DIO2: variants seen among roughly 807,000 people sequenced by gnomAD.
The protein encoded by DIO2 is iodothyronine deiodinase 2.
A neutral mutation model predicts 21.4 loss-of-function variants in DIO2; 19 were observed. That is an observed-to-expected ratio of 0.89 (90% CI 0.62 to 1.30). The LOEUF (loss-of-function observed/expected upper bound fraction) is 1.30, where lower values mean the gene tolerates loss of function less well. DIO2 is among the 50% of genes most tolerant of loss of function. The pLI, the probability that DIO2 is intolerant of heterozygous loss-of-function variation, is 0.00. For missense variants in DIO2, 302 were observed against 338.1 expected (o/e 0.89, Z 0.84); for synonymous variants, 122 against 132.9 (o/e 0.92, Z 0.57).
intron 2 of DIO2, among the ~76,000 whole-genome samples, chr14:80,219,944 G>T (rs1888432528): frequency 6.6e-6 from 1 of 152,008 alleles, no homozygotes; most frequent in African/African-American, 2.4e-5. Flanking sequence ...GGTATTTTTT[G>T]ACCTTAGAAC....
intron 2 of DIO2, among the ~76,000 whole-genome samples, chr14:80,228,855 C>T (rs1399214894): frequency 6.6e-6 from 1 of 152,132 alleles, no homozygotes; most frequent in Non-Finnish European, 1.5e-5. Flanking sequence ...CATTTTGGGT[C>T]CCCTGGAATC....
Position 80,228,172 on chromosome 14 carries a change from G to A in DIO2, c.-277-11435C>T, listed in dbSNP as rs531743498. Reference sequence around the variant, plus strand: ...AAGCAATCAAGGTTGCTCCGAATAAGATTATGACACAAAGCCAGAGAGTTG... The same window carrying A: ...AAGCAATCAAGGTTGCTCCGAATAAAATTATGACACAAAGCCAGAGAGTTG... On this transcript the variant is annotated intron_variant, in intron 2 of 4. Transcript: ENST00000553594. Among the ~76,000 whole-genome samples, 190 of 152,322 alleles carry A rather than the reference G, an allele frequency of 1.2e-3. 5 individuals carry two copies. The South Asian group carries it at 0.036, about 29-fold the overall frequency.
Position 80,211,439 on chromosome 14 carries a change from G to T in DIO2, c.34C>A (p.Leu12Met). 2 of 1,612,288 alleles carry T rather than the reference G, an allele frequency of 1.2e-6. No homozygotes were observed. The highest frequency in any genetic ancestry group is 1.7e-6 in the Non-Finnish European group (2 of 1,179,338). The change falls in exon 1 of 2, where the codon CTG becomes ATG. Residue 12 changes from leucine (L) to methionine (M), a missense_variant. Leu to Met is a conservative substitution (Grantham distance 15). Coordinates refer to ENST00000438257, the MANE Select transcript of DIO2 (RefSeq NM_013989.5). The stretch of plus-strand genomic sequence containing the variant: ...GAGAAAAAAACTGGCAGAATTTGCA[G>T]TGTGATCAGCAAGTCTACGCTGAGG... ...GILSVDLLITLQILPVFFSNC... is the reference protein window; with the variant it reads ...GILSVDLLITMQILPVFFSNC...
At chr14:80,226,809 A>G (rs1002916022) in intron 2 of DIO2, among the ~76,000 whole-genome samples, 3 of 152,162 alleles carry the variant, frequency 2.0e-5, no homozygotes, top group Non-Finnish European at 2.9e-5. Flanking sequence ...TATCCACTTG[A>G]TTATTAAAAT....
At chr14:80,214,421 T>C (rs1182645054), upstream of DIO2, among the ~76,000 whole-genome samples, 1 of 152,236 alleles carries the variant, frequency 6.6e-6, no homozygotes. Flanking sequence ...ATCCAGACTT[T>C]AAGTGGTTAT....
chr14:80,208,648 C>T (rs1485117023), intron 1 of DIO2, among the ~76,000 whole-genome samples: 1 of 152,158 alleles, frequency 6.6e-6, no homozygotes, highest in African/African-American at 2.4e-5. Context: ...TAGTGTGATG[C>T]CATCTCAAAC....
rs1412814328 is a variant in DIO2 at position 80,200,093 on chromosome 14, A to C, written c.*2596T>G. The C allele has an allele frequency of 6.6e-6, 1 of 152,618 alleles. No homozygotes were observed. The highest frequency in any genetic ancestry group is 1.5e-5 in the Non-Finnish European group (1 of 68,042). 9.5% of individuals were successfully genotyped at this position (152,618 alleles called of 1,614,324 possible). ...AAATCATAAAAATTCATGTTGCGAT[A>C]AATAGGTTACATAATTACAGGCTTA... On this transcript the variant is annotated 3_prime_UTR_variant, in exon 2 of 2. Transcript: ENST00000438257.
Position 80,220,481 on chromosome 14 carries a change from T to C in DIO2, c.-277-3744A>G, listed in dbSNP as rs17176580. ...TTTTAGTTCTCCACAGCCACACTTA[T>C]ATAATTTAGAGCCATTCCTTTCATT... On this transcript the variant is annotated intron_variant, in intron 2 of 4. Coordinates refer to the DIO2 transcript ENST00000553594. Among the ~76,000 whole-genome samples the C allele has an allele frequency of 6.5e-3, 993 of 152,328 alleles. 8 individuals carry two copies. The highest frequency in any genetic ancestry group is 9.9e-3 in the Non-Finnish European group (673 of 68,026).
At chr14:80,214,118 C>T (rs754610851), upstream of DIO2, among the ~76,000 whole-genome samples, 1 of 152,132 alleles carries the variant, frequency 6.6e-6, no homozygotes, top group African/African-American at 2.4e-5. Context: ...GATGTGAAAG[C>T]TATATTGCCA....
chr14:80,222,094 T>C (rs1261450331), intron 2 of DIO2, among the ~76,000 whole-genome samples: 2 of 152,230 alleles, frequency 1.3e-5, no homozygotes, highest in Non-Finnish European at 2.9e-5. Context: ...CCAACAGAGG[T>C]ATAAAATTTT....
At chr14:80,213,135 T>C (rs1045066237), upstream of DIO2, among the ~76,000 whole-genome samples, 4 of 152,220 alleles carry the variant, frequency 2.6e-5, no homozygotes, top group African/African-American at 4.8e-5. Context: ...AGGTGCCACA[T>C]TGACCATTGT....
At chr14:80,230,412 C>T (rs995203753) in intron 2 of DIO2, among the ~76,000 whole-genome samples, 1 of 152,178 alleles carries the variant, frequency 6.6e-6, no homozygotes, top group African/African-American at 2.4e-5. Context: ...GGAGATGAGA[C>T]TCACTGAGGG....
At chr14:80,211,005 A>G (rs1476880029) in intron 1 of DIO2, among the ~76,000 whole-genome samples, 2 of 152,344 alleles carry the variant, frequency 1.3e-5, no homozygotes, top group Admixed American at 6.5e-5. Context: ...TCACAGCAAG[A>G]TATTAATAAC....
intron 2 of DIO2, among the ~76,000 whole-genome samples, chr14:80,227,390 G>T (rs1489772900): frequency 1.3e-5 from 2 of 152,188 alleles, no homozygotes; most frequent in Non-Finnish European, 2.9e-5. Flanking sequence ...TCCATTTGAT[G>T]ATACAATGCT....
chr14:80,214,711 T>TTG (rs529827916), upstream of DIO2, among the ~76,000 whole-genome samples: 311 of 152,314 alleles, frequency 2.0e-3, no homozygotes, highest in Middle Eastern at 3.4e-3. Context: ...TGGTGCACAA[T>TTG]TGCTCATTCC....
rs1418705668 is a variant in DIO2 at position 80,201,966 on chromosome 14, T to C, written c.*723A>G. The C allele has an allele frequency of 5.8e-6, 1 of 172,610 alleles. No individual in the cohort carries two copies. The highest frequency in any genetic ancestry group is 6.0e-5 in the Admixed American group (1 of 16,674). The allele number at this position is 172,610 out of a possible 1,614,324, so 10.7% of individuals were successfully genotyped here. On this transcript the variant is annotated 3_prime_UTR_variant, in exon 2 of 2. Transcript: ENST00000438257. Reference sequence around the variant, plus strand: ...GGTGAAACTCTGTGAATTTTCCAAATCTTTCTGCCTCCTCTTTCCTAGCTT... The same window carrying C: ...GGTGAAACTCTGTGAATTTTCCAAACCTTTCTGCCTCCTCTTTCCTAGCTT...
chr14:80,211,380 G>C lies in DIO2; in HGVS notation c.93C>G (p.Val31=). The change falls in exon 1 of 2, where the codon GTC becomes GTG. Residue 31 remains valine (V), a synonymous_variant. Transcript: ENST00000438257. ...GCAGCACCACGTGCTTGAGCAGAAT[G>C]ACCGAGTCATAGAGAGCCAGGAAGA... The part of the protein sequence containing the change: ...NCLFLALYDS[V]ILLKHVVLLL... The C allele has an allele frequency of 6.2e-7, 1 of 1,613,746 alleles. No homozygotes were observed. The highest frequency in any genetic ancestry group is 1.1e-5 in the South Asian group (1 of 91,034).
Position 80,211,394 on chromosome 14 carries a change from G to C in DIO2, c.79C>G (p.Leu27Val), listed in dbSNP as rs1437556021. 6.2e-7 allele frequency: 1 copy of C among 1,613,724 alleles called. No homozygotes were observed. The highest frequency in any genetic ancestry group is 8.5e-7 in the Non-Finnish European group (1 of 1,179,826). Residue 27 changes from leucine (L) to valine (V), a missense_variant, in exon 1 of 2, where the codon CTC becomes GTC. By Grantham distance (32) the Leu-to-Val change is conservative (BLOSUM62 1). Transcript: ENST00000438257. ...VFFSNCLFLALYDSVILLKHV... is the reference protein window; with the variant it reads ...VFFSNCLFLAVYDSVILLKHV... ...TTGAGCAGAATGACCGAGTCATAGA[G>C]AGCCAGGAAGAGGCAGTTGGAGAAA...
rs565057973 is a variant in DIO2, at chr14:80,224,615, C to T, written c.-277-7878G>A. On this transcript the variant is annotated intron_variant, in intron 2 of 4. Coordinates refer to the DIO2 transcript ENST00000553594. The stretch of plus-strand genomic sequence containing the variant: ...CTGACACTGATTCCAGACTTCTGGC[C>T]TCCAAAACTGTGATTGAATACATTT... Among the ~76,000 whole-genome samples the T allele has an allele frequency of 2.0e-5, 3 of 152,150 alleles. No homozygotes were observed. In the East Asian group the frequency reaches 5.8e-4, roughly 29 times the overall value.
Sources: allele counts gnomAD v4.1 joint callset (sites outside exome capture counted in the v4.1 genomes callset), GRCh38; gene constraint gnomAD v4.1.1; transcripts MANE v1.5; gene names NCBI Gene and HGNC (gene_info 2026-07-23, HGNC 2026-07-21).